PPP2R2B: variants seen among roughly 807,000 people sequenced by gnomAD.
PPP2R2B encodes the protein protein phosphatase 2 regulatory subunit Bbeta, also known as serine/threonine-protein phosphatase 2A 55 kDa regulatory subunit B beta isoform.
In PPP2R2B, 5 loss-of-function variants were observed where a neutral mutation model predicts 46.0. The observed-to-expected ratio is 0.11, with a 90% CI of 0.06 to 0.23. The LOEUF (loss-of-function observed/expected upper bound fraction) is 0.23, where lower values mean the gene tolerates loss of function less well. PPP2R2B is among the 10% of genes least tolerant of loss of function. The probability of loss-of-function intolerance (pLI) is 1.00; values close to 1 mark genes in which losing one functional copy is unlikely to be tolerated. For synonymous variants in PPP2R2B, 215 were observed against 206.7 expected (o/e 1.04, Z -0.34); for missense variants, 367 against 575.0 (o/e 0.64, Z 3.70).
At chr5:146,931,031 T>A (rs531374) in intron 1 of PPP2R2B, among the ~76,000 whole-genome samples, 32,990 of 152,054 alleles carry the variant, frequency 0.22, 4,447 homozygotes, top group African/African-American at 0.38. Context: ...GTTGCCTGAA[T>A]ATTTTGTTTG....
intron 1 of PPP2R2B, among the ~76,000 whole-genome samples, chr5:147,045,450 A>G (rs570852305): frequency 2.0e-5 from 3 of 152,198 alleles, no homozygotes; most frequent in African/African-American, 7.2e-5. Flanking sequence ...TAGCCTGGGT[A>G]TGTAGTAGGC....
intron 1 of PPP2R2B, among the ~76,000 whole-genome samples, chr5:147,032,401 T>C (rs1215675984): frequency 3.3e-5 from 5 of 152,156 alleles, no homozygotes; most frequent in Admixed American, 6.5e-5. Flanking sequence ...TCTATCTCGT[T>C]TGGTTACATG....
chr5:146,797,712 G>A (rs1382770767), intron 2 of PPP2R2B, among the ~76,000 whole-genome samples: 1 of 152,102 alleles, frequency 6.6e-6, no homozygotes, highest in Non-Finnish European at 1.5e-5. Flanking sequence ...AAATTAATGG[G>A]GGACTCCTGA....
chr5:146,653,177 A>T (rs983934326), intron 5 of PPP2R2B, among the ~76,000 whole-genome samples: 1 of 152,192 alleles, frequency 6.6e-6, no homozygotes, highest in Non-Finnish European at 1.5e-5. Context: ...CAGGAAGCAT[A>T]GCTAGGTTTA....
chr5:146,882,471 T>C (rs1762199102), upstream of PPP2R2B, among the ~76,000 whole-genome samples: 1 of 152,212 alleles, frequency 6.6e-6, no homozygotes, highest in South Asian at 2.1e-4. Flanking sequence ...TGTCACTTAT[T>C]TTTCTGTCCT....
chr5:146,890,039 C>A (rs1762447208), intron 1 of PPP2R2B, among the ~76,000 whole-genome samples: 1 of 152,184 alleles, frequency 6.6e-6, no homozygotes, highest in African/African-American at 2.4e-5. Context: ...CGCACACACA[C>A]AATGGCTCTT....
intron 2 of PPP2R2B, among the ~76,000 whole-genome samples, chr5:146,848,268 T>C (rs1164615554): frequency 1.3e-5 from 2 of 152,198 alleles, no homozygotes; most frequent in Non-Finnish European, 2.9e-5. Context: ...TATCTTATGT[T>C]AGTGTGGTAC....
chr5:146,627,291 A>T (rs1774129750), intron 7 of PPP2R2B, among the ~76,000 whole-genome samples: 1 of 152,204 alleles, frequency 6.6e-6, no homozygotes, highest in Non-Finnish European at 1.5e-5. Flanking sequence ...CCCTTTTGGA[A>T]GATATGCCAA....
intron 6 of PPP2R2B, among the ~76,000 whole-genome samples, chr5:146,639,044 T>A (rs1049298611): frequency 6.6e-6 from 1 of 152,202 alleles, no homozygotes; most frequent in Non-Finnish European, 1.5e-5. Context: ...GTTTTCCTTA[T>A]CCTCATTTTT....
At chr5:146,803,206 G>A (rs1433665196) in intron 2 of PPP2R2B, among the ~76,000 whole-genome samples, 2 of 152,124 alleles carry the variant, frequency 1.3e-5, no homozygotes, top group East Asian at 3.9e-4. Context: ...AGTATTAGGA[G>A]ATCAAATCCC....
chr5:146,913,834 A>G (rs1582413672), intron 1 of PPP2R2B, among the ~76,000 whole-genome samples: 1 of 152,182 alleles, frequency 6.6e-6, no homozygotes, highest in East Asian at 1.9e-4. Context: ...AGGTGATGGG[A>G]CTATTTACTC....
chr5:146,657,586 G>A (rs1027990218), intron 5 of PPP2R2B, among the ~76,000 whole-genome samples: 10 of 152,074 alleles, frequency 6.6e-5, no homozygotes, highest in African/African-American at 2.4e-4. Context: ...CACAGGGTAG[G>A]TTCTCCTTAC....
intron 2 of PPP2R2B, among the ~76,000 whole-genome samples, chr5:146,740,583 A>T (rs1297770822): frequency 4.9e-5 from 5 of 102,004 alleles, no homozygotes; most frequent in Non-Finnish European, 7.7e-5. Flanking sequence ...TCACACACAC[A>T]CACACACACA....
chr5:146,823,211 T>A lies in PPP2R2B; in HGVS notation c.70+54791A>T, dbSNP rs187648189. Among the ~76,000 whole-genome samples the A allele has an allele frequency of 4.5e-4, 68 of 152,250 alleles. No homozygotes were observed. In the East Asian group the frequency reaches 0.011, roughly 25 times the overall value. On this transcript the variant is annotated intron_variant, in intron 2 of 9. Coordinates refer to ENST00000394411, the MANE Select transcript of PPP2R2B (RefSeq NM_181675.4). ...AGTTTACTTCTTCTTCTTCTTCTTT[T>A]TTTTGAGATGGAGTCTTGCTCTGTC...
intron 1 of PPP2R2B, among the ~76,000 whole-genome samples, chr5:146,932,576 C>A (rs1447136378): frequency 6.6e-6 from 1 of 152,202 alleles, no homozygotes; most frequent in African/African-American, 2.4e-5. Context: ...CCTCCCCAGC[C>A]ATGTGGAACT....
intron 1 of PPP2R2B, among the ~76,000 whole-genome samples, chr5:147,022,567 A>T (rs1755333669): frequency 1.3e-5 from 2 of 151,834 alleles, no homozygotes; most frequent in South Asian, 2.1e-4. Flanking sequence ...CAAAAAAAAA[A>T]ATCCAAATTT....
At chr5:146,762,242 A>AT (rs1754212482) in intron 2 of PPP2R2B, among the ~76,000 whole-genome samples, 1 of 152,218 alleles carries the variant, frequency 6.6e-6, no homozygotes, top group Admixed American at 6.5e-5. Context: ...TCTTTCATAG[A>AT]TTTTAGGAAG....
chr5:146,872,750 A>G (rs1226104828), intron 2 of PPP2R2B, among the ~76,000 whole-genome samples: 1 of 152,204 alleles, frequency 6.6e-6, no homozygotes, highest in East Asian at 1.9e-4. Context: ...AAATGGCCAT[A>G]TATTATAGTA....
chr5:146,700,022 C>T (rs73320030), intron 3 of PPP2R2B, among the ~76,000 whole-genome samples: 5,601 of 152,160 alleles, frequency 0.037, 316 homozygotes, highest in African/African-American at 0.13. Context: ...TATGGAACCC[C>T]GAGGGATTAC....
Sources: gnomAD v4.1 joint callset for allele counts (sites outside exome capture counted in the v4.1 genomes callset) on GRCh38, gnomAD v4.1.1 for gene constraint, MANE v1.5 for transcripts, NCBI Gene and HGNC (gene_info 2026-07-23, HGNC 2026-07-21) for gene names.